Variants in CLTC observed in about 807,000 individuals in gnomAD.
CLTC encodes clathrin heavy chain 1.
Under a neutral mutation model 195.8 loss-of-function variants are expected in CLTC, and 16 were observed. The ratio of observed to expected loss-of-function variants is 0.08; its 90% CI spans 0.06 to 0.12. CLTC has a LOEUF of 0.12. CLTC is among the 10% of genes least tolerant of loss of function. The probability of loss-of-function intolerance (pLI) is 1.00; values close to 1 mark genes in which losing one functional copy is unlikely to be tolerated. For synonymous variants in CLTC, 667 were observed against 689.4 expected (o/e 0.97, Z 0.51); for missense variants, 796 against 2,027.0 (o/e 0.39, Z 11.66).
Position 59,620,076 on chromosome 17 carries a change from C to A in CLTC, c.-56C>A. The A allele has an allele frequency of 6.4e-7, 1 of 1,574,298 alleles. No homozygotes were observed. Among genetic ancestry groups the A allele is most frequent in the Non-Finnish European group, 8.7e-7 (1 of 1,144,562 alleles). ...CCTCCTCTCCCTTGGAGAGCCCGGG[C>A]AGCCACTGCCCCGCAGCCCCAGTGA... On this transcript the variant is annotated 5_prime_UTR_variant, in exon 1 of 32. Coordinates refer to ENST00000269122, the MANE Select transcript of CLTC (RefSeq NM_004859.4).
intron 1 of CLTC, among the ~76,000 whole-genome samples, chr17:59,640,129 A>G (rs9909824): frequency 0.013 from 2,034 of 152,316 alleles, 38 homozygotes; most frequent in African/African-American, 0.046. Context: ...TACTAGACAT[A>G]GTTATATAGT....
intron 4 of CLTC, 63 bp from the exon 5 acceptor site, chr17:59,651,140 A>AAAT: frequency 1.0e-6 from 1 of 1,002,630 alleles, no homozygotes; most frequent in Non-Finnish European, 1.5e-6. Context: ...GGCTACAAAT[A>AAAT]AAGCTGCTGT....
intron 14 of CLTC, among the ~76,000 whole-genome samples, chr17:59,673,137 C>CA (rs2032890750): frequency 6.6e-6 from 1 of 151,604 alleles, no homozygotes; most frequent in East Asian, 1.9e-4. Flanking sequence ...CTTATGGCCA[C>CA]ATGTGGTCAC....
At chr17:59,673,497 C>T in intron 14 of CLTC, 150 bp from the exon 15 acceptor site, 1 of 590,294 alleles carries the variant, frequency 1.7e-6, no homozygotes, top group Non-Finnish European at 3.0e-6. Context: ...GGGATGTACA[C>T]ACTCAACTAT....
At chr17:59,620,585 C>G (rs1389682870) in intron 1 of CLTC, among the ~76,000 whole-genome samples, 1 of 149,234 alleles carries the variant, frequency 6.7e-6, no homozygotes, top group South Asian at 2.1e-4. Flanking sequence ...TTCCATTGCT[C>G]TCCTCTTTCC....
At chr17:59,671,013 C>T (rs2032837049) in intron 14 of CLTC, 1 of 152,154 alleles carries the variant, frequency 6.6e-6, no homozygotes, top group Admixed American at 6.6e-5. Context: ...GTTTCTTCAA[C>T]CATAAGCTAT....
At chr17:59,667,184 A>G (rs1669391332) in intron 13 of CLTC, 1 of 359,854 alleles carries the variant, frequency 2.8e-6, no homozygotes, top group Non-Finnish European at 5.0e-6. Flanking sequence ...CTGTTTGGAT[A>G]TTTTATAGAT....
chr17:59,637,440 T>A (rs1213871879), intron 1 of CLTC, among the ~76,000 whole-genome samples: 1 of 151,180 alleles, frequency 6.6e-6, no homozygotes, highest in Non-Finnish European at 1.5e-5. Flanking sequence ...GAGACGGGGT[T>A]TCACTGTGTT....
At chr17:59,661,754 CAG>C in intron 8 of CLTC, 111 bp downstream of exon 8, 1 of 894,750 alleles carries the variant, frequency 1.1e-6, no homozygotes, top group African/African-American at 1.7e-5. Context: ...CTGGTAGAAA[CAG>C]AACAAAAACA....
At position 59,642,006 on chromosome 17, in the gene CLTC, T is replaced by G. The variant is rs866815206; in HGVS notation, c.43-2270T>G. Among the ~76,000 whole-genome samples, 1,203 of 148,780 alleles carry G rather than the reference T, an allele frequency of 8.1e-3. 11 individuals carry two copies. The highest frequency in any genetic ancestry group is 8.9e-3 in the Non-Finnish European group (594 of 66,918). On this transcript the variant is annotated intron_variant, in intron 1 of 31. Transcript: ENST00000269122. The stretch of plus-strand genomic sequence containing the variant: ...CCAGGCCAAATCTTTGTTGTTTTTT[T>G]TTTTTTTTTTTTTTTTTACAAGTAA...
chr17:59,692,600 T>C (rs1598250586), intron 31 of CLTC, among the ~76,000 whole-genome samples: 1 of 152,152 alleles, frequency 6.6e-6, no homozygotes, highest in East Asian at 1.9e-4. Flanking sequence ...AGAGGGTGTA[T>C]GTTCTAATGT....
intron 1 of CLTC, among the ~76,000 whole-genome samples, chr17:59,642,266 T>G (rs1359091850): frequency 6.6e-6 from 1 of 152,162 alleles, no homozygotes. Context: ...TGTGGTTTGC[T>G]TCCTTTTGTG....
chr17:59,666,333 C>T lies in CLTC; in HGVS notation c.1782+93C>T. On this transcript the variant is annotated intron_variant, in intron 11 of 31. Transcript: ENST00000269122. This position sits in a 1 kb window ranked among gnomAD's most constrained non-coding sequence, Gnocchi z 4.9. ...ATTGTTATGCAAAGCTACTGAGGGG[C>T]CTACTCCTTATTAAAGAAAATGTAG... The T allele has an allele frequency of 6.7e-7, 1 of 1,496,670 alleles. No individual in the cohort carries two copies. Among genetic ancestry groups the T allele is most frequent in the Non-Finnish European group, 9.2e-7 (1 of 1,092,860 alleles). The allele number at this position is 1,496,670 out of a possible 1,614,324, so 92.7% of individuals were successfully genotyped here. A position where few individuals can be genotyped will look rare whatever the true frequency, so the allele number is the denominator to read the frequency against.
At chr17:59,678,328 A>G (rs1298618281) in intron 17 of CLTC, among the ~76,000 whole-genome samples, 5 of 152,296 alleles carry the variant, frequency 3.3e-5, no homozygotes, top group African/African-American at 1.2e-4. Context: ...TCTGTAGTAG[A>G]CTATGCAAAT....
rs895082291 is a variant in CLTC at position 59,695,128 on chromosome 17, C to G, written c.*1276C>G. 9.9e-6 allele frequency: 2 copies of G among 202,294 alleles called. No homozygotes were observed. The highest frequency in any genetic ancestry group is 6.0e-5 in the Admixed American group (1 of 16,656). 12.5% of individuals were successfully genotyped at this position (202,294 alleles called of 1,614,324 possible). ...TAAACATGTAGTTAACATGCTCTTT[C>G]TCATCATGAATTATAAAGGTGCCCA... On this transcript the variant is annotated 3_prime_UTR_variant, in exon 32 of 32. Coordinates refer to ENST00000269122, the MANE Select transcript of CLTC (RefSeq NM_004859.4).
intron 9 of CLTC, 134 bp downstream of exon 9, chr17:59,664,128 C>A (rs541526227): frequency 5.4e-6 from 4 of 738,070 alleles, no homozygotes; most frequent in East Asian, 5.9e-5. Flanking sequence ...TATAAAAATT[C>A]TCTTACCCCT....
In CLTC at chr17:59,685,189, A is replaced by G. The variant is rs769283408; in HGVS notation, c.4568A>G (p.Gln1523Arg). The G allele has an allele frequency of 1.2e-6, 2 of 1,612,606 alleles. No individual in the cohort carries two copies. Among genetic ancestry groups the G allele is most frequent in the Non-Finnish European group, 1.7e-6 (2 of 1,178,862 alleles). Residue 1523 changes from glutamine (Q) to arginine (R), a missense_variant, in exon 29 of 32, where the codon CAG becomes CGG. Physicochemically the swap from Gln to Arg is conservative, Grantham distance 43 (BLOSUM62 1). Around this residue, in one of 9 missense-constraint regions of CLTC, gnomAD observed 148 missense variants for 279.5 expected, o/e 0.53. Transcript: ENST00000269122. The surrounding 1 kb of genome is among the most constrained non-coding windows in gnomAD (Gnocchi z 5.0). Reference sequence around the variant, plus strand: ...TTCAAAGGCAACAATCGCTGGAAACAGAGTGTAGAGCTGTGCAAGAAAGAC... The same window carrying G: ...TTCAAAGGCAACAATCGCTGGAAACGGAGTGTAGAGCTGTGCAAGAAAGAC... ...YLFKGNNRWK[Q>R]SVELCKKDSL...
At chr17:59,664,113 A>G in intron 9 of CLTC, 119 bp downstream of exon 9, 1 of 846,450 alleles carries the variant, frequency 1.2e-6, no homozygotes, top group Non-Finnish European at 1.7e-6. Flanking sequence ...ATTTACTTTG[A>G]AATGTATAAA....
chr17:59,693,724 G>C lies in CLTC; in HGVS notation c.4904-4G>C. ...CTGCTCCTTTTTGTTTTCTTCTACT[G>C]TAGGTCAGCCCCAGTTGATGCTGAC... On this transcript the variant is annotated splice_region_variant and splice_polypyrimidine_tract_variant and intron_variant, in intron 31 of 31. Transcript: ENST00000269122. 1 of 1,611,002 alleles carries C rather than the reference G, an allele frequency of 6.2e-7. No individual in the cohort carries two copies. Among genetic ancestry groups the C allele is most frequent in the Non-Finnish European group, 8.5e-7 (1 of 1,178,620 alleles).
Sources: allele counts gnomAD v4.1 joint callset (sites outside exome capture counted in the v4.1 genomes callset), GRCh38; gene constraint gnomAD v4.1.1; regional missense constraint gnomAD v4.1.1; non-coding constraint Gnocchi (gnomAD v3.1); transcripts MANE v1.5; gene names NCBI Gene and HGNC (gene_info 2026-07-23, HGNC 2026-07-21).